Variants in MAPK8 observed in about 807,000 individuals in gnomAD.
MAPK8 encodes the protein mitogen-activated protein kinase 8.
MAPK8 carries 13 observed loss-of-function variants against 52.9 expected under a neutral mutation model. The ratio of observed to expected loss-of-function variants is 0.25; its 90% CI spans 0.16 to 0.39. MAPK8 has a LOEUF of 0.39. Ranked by LOEUF, MAPK8 falls within the 10% of genes least tolerant of loss-of-function variation. MAPK8 has a pLI of 1.00. For synonymous variants in MAPK8, 191 were observed against 169.8 expected (o/e 1.12, Z -0.97); for missense variants, 300 against 519.2 (o/e 0.58, Z 4.10).
At chr10:48,400,042 C>T (rs538100708) in intron 1 of MAPK8, among the ~76,000 whole-genome samples, 5 of 152,320 alleles carry the variant, frequency 3.3e-5, no homozygotes, top group African/African-American at 1.2e-4. Context: ...TCTCTTCTTC[C>T]TTATTTCACT....
chr10:48,354,027 A>G (rs1197050991), intron 1 of MAPK8, among the ~76,000 whole-genome samples: 2 of 152,202 alleles, frequency 1.3e-5, no homozygotes, highest in African/African-American at 4.8e-5. Flanking sequence ...CACTGTACTA[A>G]TGTCAGTTTC....
intron 1 of MAPK8, among the ~76,000 whole-genome samples, chr10:48,355,022 C>G (rs2132470911): frequency 6.6e-6 from 1 of 152,196 alleles, no homozygotes; most frequent in East Asian, 1.9e-4. Context: ...GCACTGTGAG[C>G]AGGACTCAAC....
intron 1 of MAPK8, among the ~76,000 whole-genome samples, chr10:48,371,298 T>A (rs1589102438): frequency 6.6e-6 from 1 of 152,288 alleles, no homozygotes; most frequent in South Asian, 2.1e-4. Flanking sequence ...AGGAGTATCA[T>A]AGTTATCGAT....
rs371634783 is a variant in MAPK8, at chr10:48,410,642, G to A, written c.450+474G>A. 2.6e-4 allele frequency among the ~76,000 whole-genome samples: 39 copies of A among 152,208 alleles called. No homozygotes were observed. The East Asian group carries it at 5.6e-3, about 22-fold the overall frequency. On this transcript the variant is annotated intron_variant, in intron 5 of 11. Coordinates refer to ENST00000374189, the MANE Select transcript of MAPK8 (RefSeq NM_001323329.2). ...TTGAATATATATTTTCAGTCCTTTA[G>A]GATATACCTGTGACTGGAAGTGCTG... is the stretch of plus-strand genomic sequence containing the variant.
intron 1 of MAPK8, among the ~76,000 whole-genome samples, chr10:48,364,872 G>A (rs1847889298): frequency 6.6e-6 from 1 of 152,248 alleles, no homozygotes; most frequent in Non-Finnish European, 1.5e-5. Flanking sequence ...CCAAGCTAGA[G>A]CAATCAGTCA....
rs2045014712 is a variant in MAPK8, at chr10:48,438,232, C to T, written c.*3203C>T. 1 of 152,256 alleles carries T rather than the reference C, an allele frequency of 6.6e-6. No homozygotes were observed. The highest frequency in any genetic ancestry group is 2.4e-5 in the African/African-American group (1 of 41,464). 9.4% of individuals were successfully genotyped at this position (152,256 alleles called of 1,614,324 possible). On this transcript the variant is annotated 3_prime_UTR_variant, in exon 12 of 12. Coordinates refer to ENST00000374189, the MANE Select transcript of MAPK8 (RefSeq NM_001323329.2). ...GTAGGTAAACCAAACACCATTCTGT[C>T]ATTAGCAGCCCTCTTAAATGTTGCC...
At chr10:48,339,870 A>C (rs1420652734) in intron 1 of MAPK8, among the ~76,000 whole-genome samples, 1 of 152,236 alleles carries the variant, frequency 6.6e-6, no homozygotes, top group Admixed American at 6.5e-5. Context: ...CATAGCAGTT[A>C]GATGGCTGTT....
Position 48,418,716 on chromosome 10 carries a change from A to G in MAPK8, c.451-1439A>G, listed in dbSNP as rs370102904. 5.9e-5 allele frequency among the ~76,000 whole-genome samples: 9 copies of G among 152,332 alleles called. No individual in the cohort carries two copies. The East Asian group carries it at 1.5e-3, about 26-fold the overall frequency. ...ATTCTTATATATAGTTAGCAGTGTA[A>G]TTAACAGCTGTAAGGTACATATTGA... On this transcript the variant is annotated intron_variant, in intron 5 of 11. Coordinates refer to ENST00000374189, the MANE Select transcript of MAPK8 (RefSeq NM_001323329.2).
chr10:48,317,369 TGC>T (rs2132117398), intron 1 of MAPK8, among the ~76,000 whole-genome samples: 1 of 144,114 alleles, frequency 6.9e-6, no homozygotes, highest in East Asian at 2.1e-4. Flanking sequence ...CTCACTGTGT[TGC>T]CTAGGCTGGT....
At position 48,410,185 on chromosome 10, in the gene MAPK8, A is replaced by G. The variant is rs202216083; in HGVS notation, c.450+17A>G. The G allele has an allele frequency of 4.1e-5, 61 of 1,486,974 alleles. No individual in the cohort carries two copies. The highest frequency in any genetic ancestry group is 7.3e-5 in the Admixed American group (3 of 41,092). The allele number at this position is 1,486,974 out of a possible 1,614,324, so 92.1% of individuals were successfully genotyped here. On this transcript the variant is annotated intron_variant, in intron 5 of 11. Coordinates refer to ENST00000374189, the MANE Select transcript of MAPK8 (RefSeq NM_001323329.2). Reference sequence around the variant, plus strand: ...ATTCATCGGGTTAGTAGAAGAAACTATCGTCATACTCTTTGTTTTCTCATT... The same window carrying G: ...ATTCATCGGGTTAGTAGAAGAAACTGTCGTCATACTCTTTGTTTTCTCATT...
chr10:48,336,907 A>T lies in MAPK8; in HGVS notation c.-50+30086A>T, dbSNP rs1183092584. The stretch of plus-strand genomic sequence containing the variant: ...CAAGGGCATTATATAATGACAAAGG[A>T]TTTAATTCAACAAGATTTGTATCTC... On this transcript the variant is annotated intron_variant, in intron 1 of 11. Transcript: ENST00000374189. 2.6e-5 allele frequency among the ~76,000 whole-genome samples: 4 copies of T among 152,308 alleles called. No homozygotes were observed. In the East Asian group the frequency reaches 5.8e-4, roughly 22 times the overall value.
In MAPK8 at chr10:48,341,773, A is replaced by G. The variant is rs201142960; in HGVS notation, c.-50+34952A>G. ...AGAACATGGTGCCATGAAAGTATAT[A>G]AAGATACCTGATTTAGGATGGACAG... is the stretch of plus-strand genomic sequence containing the variant. On this transcript the variant is annotated intron_variant, in intron 1 of 11. Coordinates refer to ENST00000374189, the MANE Select transcript of MAPK8 (RefSeq NM_001323329.2). Among the ~76,000 whole-genome samples, 3 of 152,236 alleles carry G rather than the reference A, an allele frequency of 2.0e-5. No individual in the cohort carries two copies. The East Asian group carries it at 5.8e-4, about 29-fold the overall frequency.
At chr10:48,339,872 A>G (rs912494698) in intron 1 of MAPK8, among the ~76,000 whole-genome samples, 1 of 152,242 alleles carries the variant, frequency 6.6e-6, no homozygotes, top group African/African-American at 2.4e-5. Flanking sequence ...TAGCAGTTAG[A>G]TGGCTGTTAT....
chr10:48,428,993 G>GT (rs111540494), intron 10 of MAPK8, among the ~76,000 whole-genome samples: 41,738 of 138,444 alleles, frequency 0.3, 6,201 homozygotes, highest in South Asian at 0.42. Context: ...GGCTAATTTT[G>GT]TTTTTTTTTT....
chr10:48,418,193 A>G (rs2043164166), intron 5 of MAPK8, among the ~76,000 whole-genome samples: 1 of 152,172 alleles, frequency 6.6e-6, no homozygotes, highest in Non-Finnish European at 1.5e-5. Context: ...CAGCTTCATG[A>G]AATGTTTTGT....
At position 48,399,088 on chromosome 10, in the gene MAPK8, G is replaced by A. The variant is rs377189079; in HGVS notation, c.-49-2524G>A. On this transcript the variant is annotated intron_variant, in intron 1 of 11. Coordinates refer to ENST00000374189, the MANE Select transcript of MAPK8 (RefSeq NM_001323329.2). ...TTCAGTGTTCAGATCTTGCTTAAAC[G>A]TCATGTTGTCAGGAGTATCTGTTCC... 2.2e-4 allele frequency among the ~76,000 whole-genome samples: 33 copies of A among 152,150 alleles called. 1 individual carries two copies. The Middle Eastern group carries it at 0.02, about 94-fold the overall frequency.
chr10:48,385,653 G>A (rs1429609199), intron 1 of MAPK8, among the ~76,000 whole-genome samples: 1 of 152,104 alleles, frequency 6.6e-6, no homozygotes, highest in Admixed American at 6.5e-5. Flanking sequence ...CTTATCCAGT[G>A]AAGGACAACT....
chr10:48,393,292 C>A (rs1057215629), intron 1 of MAPK8, among the ~76,000 whole-genome samples: 7 of 152,054 alleles, frequency 4.6e-5, no homozygotes, highest in African/African-American at 1.7e-4. Flanking sequence ...TTATCTCAGA[C>A]TCAACAGGTT....
intron 1 of MAPK8, among the ~76,000 whole-genome samples, chr10:48,315,791 C>A (rs1031878817): frequency 6.6e-6 from 1 of 151,518 alleles, no homozygotes; most frequent in African/African-American, 2.4e-5. Context: ...GTCATGCCAG[C>A]TTTTTTGTTT....
Sources: allele counts gnomAD v4.1 joint callset (sites outside exome capture counted in the v4.1 genomes callset), GRCh38; gene constraint gnomAD v4.1.1; transcripts MANE v1.5; gene names NCBI Gene and HGNC (gene_info 2026-07-23, HGNC 2026-07-21).